Variants in PRKCA observed in about 807,000 individuals in gnomAD.
PRKCA encodes the protein protein kinase C alpha, also known as protein kinase C alpha type.
A neutral mutation model predicts 87.0 loss-of-function variants in PRKCA; 27 were observed. The ratio of observed to expected loss-of-function variants is 0.31; its 90% CI spans 0.23 to 0.43. PRKCA has a LOEUF of 0.43. Ranked by LOEUF, PRKCA falls within the 20% of genes least tolerant of loss-of-function variation. PRKCA has a pLI of 1.00. For synonymous variants in PRKCA, 329 were observed against 311.1 expected, an observed-to-expected ratio of 1.06 and a Z score of -0.61; for missense variants, 518 against 852.3, an observed-to-expected ratio of 0.61 and a Z score of 4.88.
intron 2 of PRKCA, among the ~76,000 whole-genome samples, chr17:66,309,801 T>TC: frequency 6.6e-6 from 1 of 152,192 alleles, no homozygotes; most frequent in Non-Finnish European, 1.5e-5. Flanking sequence ...ACTTTTTTTT[T>TC]CCCCCGTCAG....
At chr17:66,385,461 TCTC>T (rs1226992423) in intron 2 of PRKCA, among the ~76,000 whole-genome samples, 3 of 152,206 alleles carry the variant, frequency 2.0e-5, no homozygotes, top group Non-Finnish European at 2.9e-5. Flanking sequence ...GCATTGCCCT[TCTC>T]CTCCAGCCAA....
At chr17:66,306,003 T>C in intron 1 of PRKCA, 93 bp from the exon 2 acceptor site, 1 of 1,130,450 alleles carries the variant, frequency 8.8e-7, no homozygotes, top group Admixed American at 1.8e-5. Flanking sequence ...TACAAACCTT[T>C]AGTGGTAGAG....
At chr17:66,337,429 A>C (rs1906768982) in intron 2 of PRKCA, among the ~76,000 whole-genome samples, 1 of 152,084 alleles carries the variant, frequency 6.6e-6, no homozygotes, top group Non-Finnish European at 1.5e-5. Context: ...TCACTCTGTC[A>C]TGCAGGCTGG....
At chr17:66,563,417 A>G (rs227907) in intron 3 of PRKCA, among the ~76,000 whole-genome samples, 7,109 of 152,256 alleles carry the variant, frequency 0.047, 224 homozygotes, top group Middle Eastern at 0.075. Context: ...AGTTGAAGTC[A>G]TGCAGTATGT....
intron 3 of PRKCA, among the ~76,000 whole-genome samples, chr17:66,549,545 C>T (rs1968263054): frequency 1.3e-5 from 2 of 152,174 alleles, no homozygotes; most frequent in Admixed American, 6.5e-5. Flanking sequence ...TGTGTCGTAG[C>T]CACCTGCTTT....
In PRKCA at chr17:66,805,414, T is replaced by C. The variant is rs1976009393; in HGVS notation, c.*1377T>C. On this transcript the variant is annotated 3_prime_UTR_variant, in exon 17 of 17. Transcript: ENST00000413366. ...CTCTATTTGTGCAGGTTCTTGTTTC[T>C]AATCCTCTTTTCTAATTAAGTTTTA... 6.5e-6 allele frequency: 1 copy of C among 153,566 alleles called. No individual in the cohort carries two copies. The highest frequency in any genetic ancestry group is 2.4e-5 in the African/African-American group (1 of 41,486). 9.5% of individuals were successfully genotyped at this position (153,566 alleles called of 1,614,324 possible). A position where few individuals can be genotyped will look rare whatever the true frequency, so the allele number is the denominator to read the frequency against.
intron 6 of PRKCA, among the ~76,000 whole-genome samples, chr17:66,687,934 G>A (rs938403247): frequency 2.6e-5 from 4 of 152,200 alleles, no homozygotes; most frequent in Admixed American, 6.5e-5. Context: ...AGAGGGACCA[G>A]CAAGCTCTGC....
intron 3 of PRKCA, among the ~76,000 whole-genome samples, chr17:66,603,853 A>G (rs563177360): frequency 2.3e-4 from 35 of 152,312 alleles, no homozygotes; most frequent in African/African-American, 7.9e-4. Flanking sequence ...CATAAGCAGA[A>G]TCATTCAGTA....
At chr17:66,662,589 G>C (rs907100970) in intron 5 of PRKCA, among the ~76,000 whole-genome samples, 2 of 152,142 alleles carry the variant, frequency 1.3e-5, no homozygotes, top group Non-Finnish European at 2.9e-5. Context: ...AGTCTAAGGT[G>C]TTGACGGACT....
chr17:66,368,271 C>G (rs552485987), intron 2 of PRKCA, among the ~76,000 whole-genome samples: 2 of 148,284 alleles, frequency 1.3e-5, no homozygotes, highest in African/African-American at 5.0e-5. Context: ...GGAGCAAATC[C>G]CTTAGCCTAT....
intron 13 of PRKCA, among the ~76,000 whole-genome samples, chr17:66,752,251 T>C (rs1974449027): frequency 6.6e-6 from 1 of 152,212 alleles, no homozygotes. Context: ...GGCAGTTGTT[T>C]CAATTATCTA....
chr17:66,562,309 C>G (rs1252216275), intron 3 of PRKCA, among the ~76,000 whole-genome samples: 1 of 150,298 alleles, frequency 6.7e-6, no homozygotes, highest in East Asian at 1.9e-4. Context: ...GCTCTCTGCC[C>G]TAATTCAGAT....
intron 8 of PRKCA, among the ~76,000 whole-genome samples, chr17:66,715,521 A>G (rs1459236564): frequency 6.6e-6 from 1 of 152,104 alleles, no homozygotes; most frequent in Non-Finnish European, 1.5e-5. Context: ...TGGCTTGCAG[A>G]GTCTGCACCC....
At chr17:66,624,482 A>G (rs1188850049) in intron 3 of PRKCA, among the ~76,000 whole-genome samples, 1 of 152,192 alleles carries the variant, frequency 6.6e-6, no homozygotes, top group East Asian at 1.9e-4. Flanking sequence ...AGTAGCCACT[A>G]GTCACCTGTG....
At chr17:66,626,321 G>A (rs895104753) in intron 3 of PRKCA, among the ~76,000 whole-genome samples, 1 of 150,738 alleles carries the variant, frequency 6.6e-6, no homozygotes, top group Admixed American at 6.6e-5. Context: ...CCAAGTAGCT[G>A]GGACCATAGG....
chr17:66,423,531 C>T (rs911759200), intron 2 of PRKCA, among the ~76,000 whole-genome samples: 2 of 152,184 alleles, frequency 1.3e-5, no homozygotes, highest in Non-Finnish European at 2.9e-5. Flanking sequence ...GCATCATTTA[C>T]ATACAATAAT....
At chr17:66,791,600 C>T (rs541188919) in intron 16 of PRKCA, among the ~76,000 whole-genome samples, 275 of 152,296 alleles carry the variant, frequency 1.8e-3, no homozygotes, top group African/African-American at 6.4e-3. Flanking sequence ...GTCCTTGCCC[C>T]GTGCCAGGCA....
chr17:66,472,875 G>T (rs770411683), intron 2 of PRKCA, among the ~76,000 whole-genome samples: 13 of 152,066 alleles, frequency 8.5e-5, no homozygotes, highest in African/African-American at 1.2e-4. Flanking sequence ...GCCTCCGACC[G>T]AACTTGCCTA....
In PRKCA at chr17:66,670,731, G is replaced by A. The variant is rs145858965; in HGVS notation, c.530-16380G>A. The stretch of plus-strand genomic sequence containing the variant: ...ACACAGAAATGACCGGTGTGATGGC[G>A]TGTGTCTGTAGTCCCAGCTACTCGG... On this transcript the variant is annotated intron_variant, in intron 5 of 16. Coordinates refer to ENST00000413366, the MANE Select transcript of PRKCA (RefSeq NM_002737.3). Among the ~76,000 whole-genome samples the A allele has an allele frequency of 1.6e-3, 240 of 152,016 alleles. 1 individual carries two copies. The highest frequency in any genetic ancestry group is 3.4e-3 in the Middle Eastern group (1 of 294).
Sources: gnomAD v4.1 joint callset for allele counts (sites outside exome capture counted in the v4.1 genomes callset) on GRCh38, gnomAD v4.1.1 for gene constraint, MANE v1.5 for transcripts, NCBI Gene and HGNC (gene_info 2026-07-23, HGNC 2026-07-21) for gene names.